Variants in CTXN2 observed in about 807,000 individuals in gnomAD.
CTXN2 encodes cortexin-2.
A neutral mutation model predicts 5.7 loss-of-function variants in CTXN2; 3 were observed. The observed-to-expected ratio is 0.53, with a 90% CI of 0.24 to 1.36. The LOEUF is 1.36. Ranked by LOEUF, CTXN2 falls within the 40% of genes most tolerant of loss-of-function variation. The pLI is 0.17. For missense variants in CTXN2, 87 were observed against 93.0 expected (o/e 0.94, Z 0.26); for synonymous variants, 38 against 36.4 (o/e 1.04, Z -0.16).
chr15:48,186,232 A>C (rs942913382), intron 1 of CTXN2, among the ~76,000 whole-genome samples: 2 of 152,226 alleles, frequency 1.3e-5, no homozygotes, highest in African/African-American at 4.8e-5. Context: ...CAATTAAATG[A>C]AATTTCATTT....
chr15:48,187,402 A>T (rs1772644272), upstream of CTXN2, among the ~76,000 whole-genome samples: 1 of 149,750 alleles, frequency 6.7e-6, no homozygotes, highest in African/African-American at 2.5e-5. Flanking sequence ...CATTTGAAAG[A>T]TATGCTACCC....
Position 48,191,864 on chromosome 15 carries a change from G to T in CTXN2, c.-58+11G>T, listed in dbSNP as rs923088945. On this transcript the variant is annotated intron_variant, in intron 1 of 1. Transcript: ENST00000417307. The stretch of plus-strand genomic sequence containing the variant: ...CAACAAGCATGGAAGGTGAGACATC[G>T]CTGTCTGCGAAGTAACTTTCTCCCC... 1 of 455,144 alleles carries T rather than the reference G, an allele frequency of 2.2e-6. No individual in the cohort carries two copies. Among genetic ancestry groups the T allele is most frequent in the African/African-American group, 2.0e-5 (1 of 49,960 alleles). 28.2% of individuals were successfully genotyped at this position (455,144 alleles called of 1,614,324 possible). A position where few individuals can be genotyped will look rare whatever the true frequency, so the allele number is the denominator to read the frequency against.
chr15:48,193,331 A>G (rs2040843013), intron 1 of CTXN2, among the ~76,000 whole-genome samples: 1 of 152,154 alleles, frequency 6.6e-6, no homozygotes, highest in Non-Finnish European at 1.5e-5. Context: ...ACACTTAAAT[A>G]TTTTAATCAT....
At chr15:48,185,691 G>A (rs2040745158) in intron 1 of CTXN2, among the ~76,000 whole-genome samples, 1 of 152,162 alleles carries the variant, frequency 6.6e-6, no homozygotes. Flanking sequence ...CAAAGGTTGA[G>A]TTACAAAAAC....
intron 1 of CTXN2, 39 bp downstream of exon 1, chr15:48,191,892 TC>T (rs770865996): frequency 3.2e-5 from 14 of 443,406 alleles, no homozygotes; most frequent in Non-Finnish European, 5.9e-5. Context: ...TTCTCCCCCT[TC>T]CCTCCGCATT....
chr15:48,201,090 T>C (rs1193544182), intron 1 of CTXN2, 154 bp from the exon 2 acceptor site: 14 of 572,220 alleles, frequency 2.4e-5, no homozygotes, highest in Non-Finnish European at 3.7e-5. Context: ...GCATCTCCAA[T>C]GCTAATTTGA....
intron 1 of CTXN2, among the ~76,000 whole-genome samples, chr15:48,194,861 C>G (rs929913561): frequency 6.6e-6 from 1 of 152,108 alleles, no homozygotes; most frequent in Non-Finnish European, 1.5e-5. Context: ...TTGGTCTTCC[C>G]TTTCCTAGGC....
At chr15:48,195,691 A>G (rs2040871904) in intron 1 of CTXN2, among the ~76,000 whole-genome samples, 1 of 152,080 alleles carries the variant, frequency 6.6e-6, no homozygotes, top group African/African-American at 2.4e-5. Flanking sequence ...CTGATCCCTC[A>G]ATGGGTGATA....
At chr15:48,195,379 C>T (rs1236723300) in intron 1 of CTXN2, among the ~76,000 whole-genome samples, 1 of 152,058 alleles carries the variant, frequency 6.6e-6, no homozygotes, top group Non-Finnish European at 1.5e-5. Flanking sequence ...CCGTGATGCT[C>T]TCTCCCTCAA....
chr15:48,201,189 A>G lies in CTXN2; in HGVS notation c.-57-55A>G, dbSNP rs985112665. 16 of 1,085,026 alleles carry G rather than the reference A, an allele frequency of 1.5e-5. No individual in the cohort carries two copies. In the African/African-American group the frequency reaches 2.4e-4, roughly 16 times the overall value. 67.2% of individuals were successfully genotyped at this position (1,085,026 alleles called of 1,614,324 possible). On this transcript the variant is annotated intron_variant, in intron 1 of 1. Transcript: ENST00000417307. The stretch of plus-strand genomic sequence containing the variant: ...AAACGTCAGATTTTATTAAGCAACA[A>G]CCTACCCAATACCATACAAGGGTAA...
chr15:48,192,156 C>T (rs1373537673), intron 1 of CTXN2: 1 of 220,658 alleles, frequency 4.5e-6, no homozygotes, highest in Admixed American at 5.1e-5. Context: ...AGTTTCCATG[C>T]TTCTTCGGTT....
chr15:48,181,155 A>C (rs1408151226), intron 1 of CTXN2, among the ~76,000 whole-genome samples: 1 of 152,250 alleles, frequency 6.6e-6, no homozygotes, highest in Non-Finnish European at 1.5e-5. Context: ...AACTAGAAAT[A>C]ATAGTGTCTT....
chr15:48,199,324 G>T (rs1301336815), intron 1 of CTXN2, among the ~76,000 whole-genome samples: 1 of 152,182 alleles, frequency 6.6e-6, no homozygotes, highest in Non-Finnish European at 1.5e-5. Flanking sequence ...AACATTCTTT[G>T]TTGCTGGGCA....
chr15:48,196,391 C>T (rs1467092238), intron 1 of CTXN2, among the ~76,000 whole-genome samples: 1 of 152,102 alleles, frequency 6.6e-6, no homozygotes, highest in African/African-American at 2.4e-5. Flanking sequence ...TAATAAGCTT[C>T]ACTTCAATAT....
rs1185485835 is a variant in CTXN2 at position 48,191,740 on chromosome 15, G to A, written c.-171G>A. 2.2e-6 allele frequency: 1 copy of A among 456,016 alleles called. No homozygotes were observed. The highest frequency in any genetic ancestry group is 2.3e-5 in the Admixed American group (1 of 42,576). 28.2% of individuals were successfully genotyped at this position (456,016 alleles called of 1,614,324 possible). A position where few individuals can be genotyped will look rare whatever the true frequency, so the allele number is the denominator to read the frequency against. On this transcript the variant is annotated 5_prime_UTR_variant, in exon 1 of 2. Coordinates refer to ENST00000417307, the MANE Select transcript of CTXN2 (RefSeq NM_001145668.2). ...ACCAGGGCCCTGTGACTCTACGCAG[G>A]TTCCAGAACACGCCTTCTACATTTG...
upstream of CTXN2, among the ~76,000 whole-genome samples, chr15:48,188,053 C>A (rs1487177106): frequency 6.6e-6 from 1 of 151,832 alleles, no homozygotes; most frequent in East Asian, 1.9e-4. Context: ...ATAAAACAAC[C>A]ATATACACTC....
rs146335773 is a variant in CTXN2 at position 48,193,433 on chromosome 15, C to G, written c.-58+1580C>G. Among the ~76,000 whole-genome samples, 196 of 152,068 alleles carry G rather than the reference C, an allele frequency of 1.3e-3. 7 individuals carry two copies. In the South Asian group the frequency reaches 0.038, roughly 29 times the overall value. ...ATTTCAAATAACTTTTACCACTACCCAATTTTACATTCTACTTATTTTTGA... is the reference window on the plus strand; with the variant it reads ...ATTTCAAATAACTTTTACCACTACCGAATTTTACATTCTACTTATTTTTGA... On this transcript the variant is annotated intron_variant, in intron 1 of 1. Transcript: ENST00000417307.
intron 1 of CTXN2, among the ~76,000 whole-genome samples, chr15:48,194,446 T>A (rs2040858472): frequency 6.6e-6 from 1 of 152,278 alleles, no homozygotes; most frequent in Admixed American, 6.5e-5. Flanking sequence ...CAATTTAGTG[T>A]CCCTCCTAGA....
At chr15:48,181,048 G>A (rs2040698406) in intron 1 of CTXN2, among the ~76,000 whole-genome samples, 1 of 152,112 alleles carries the variant, frequency 6.6e-6, no homozygotes, top group Admixed American at 6.5e-5. Flanking sequence ...GCTATTACAC[G>A]TATCTAGAAA....
Sources: gnomAD v4.1 joint callset for allele counts (sites outside exome capture counted in the v4.1 genomes callset) on GRCh38, gnomAD v4.1.1 for gene constraint, MANE v1.5 for transcripts, NCBI Gene and HGNC (gene_info 2026-07-23, HGNC 2026-07-21) for gene names.